CPNE4: variants seen among roughly 807,000 people sequenced by gnomAD.
The protein encoded by CPNE4 is copine 4, also known as copine-4.
CPNE4 carries 25 observed loss-of-function variants against 67.9 expected under a neutral mutation model. The ratio of observed to expected loss-of-function variants is 0.37; its 90% confidence interval spans 0.27 to 0.51. The LOEUF is 0.51. CPNE4 is among the 20% of genes least tolerant of loss of function. The pLI is 0.93. For synonymous variants in CPNE4, 242 were observed against 244.9 expected (o/e 0.99, Z 0.11); for missense variants, 464 against 690.8 (o/e 0.67, Z 3.68).
intron 7 of CPNE4, among the ~76,000 whole-genome samples, chr3:131,613,967 T>A (rs1010705943): frequency 2.0e-5 from 3 of 152,142 alleles, no homozygotes; most frequent in Non-Finnish European, 4.4e-5. Context: ...TAATTAAGAG[T>A]TTGGTGGATT....
intron 6 of CPNE4, among the ~76,000 whole-genome samples, chr3:131,677,961 C>T (rs558610091): frequency 6.6e-6 from 1 of 152,176 alleles, no homozygotes; most frequent in East Asian, 1.9e-4. Context: ...TTTTCTAGTT[C>T]TGTGAAGAAT....
intron 14 of CPNE4, chr3:131,543,047 G>A (rs1559869559): frequency 4.6e-6 from 2 of 435,760 alleles, no homozygotes; most frequent in Non-Finnish European, 8.3e-6. Flanking sequence ...AGAGCAGCAG[G>A]CCAAGAGTTA....
At chr3:131,693,385 CCTA>C (rs1277763002) in intron 5 of CPNE4, among the ~76,000 whole-genome samples, 5 of 152,036 alleles carry the variant, frequency 3.3e-5, no homozygotes, top group South Asian at 2.1e-4. Context: ...ATAAAATAAA[CCTA>C]CTACATCATA....
intron 2 of CPNE4, among the ~76,000 whole-genome samples, chr3:131,848,716 A>T (rs1266024522): frequency 1.3e-5 from 2 of 151,518 alleles, no homozygotes; most frequent in Non-Finnish European, 2.9e-5. Flanking sequence ...AATTTGGTTC[A>T]TCTGAACACA....
chr3:131,538,882 G>A (rs1379023763), intron 15 of CPNE4: 1 of 152,188 alleles, frequency 6.6e-6, no homozygotes, highest in Non-Finnish European at 1.5e-5. Context: ...GTAGGTGCTG[G>A]TGCTATGCTC....
At chr3:131,589,400 C>T (rs1056601227) in intron 7 of CPNE4, among the ~76,000 whole-genome samples, 9 of 152,180 alleles carry the variant, frequency 5.9e-5, no homozygotes, top group African/African-American at 2.2e-4. Flanking sequence ...AATCAGAAGA[C>T]TCGGCAGGCA....
chr3:131,669,623 A>G, intron 7 of CPNE4, 52 bp downstream of exon 7: 1 of 1,405,164 alleles, frequency 7.1e-7, no homozygotes, highest in Non-Finnish European at 1.0e-6. Context: ...AGAAATAGGA[A>G]GATTAAATAC....
chr3:131,675,811 C>T (rs1482197643), intron 6 of CPNE4, among the ~76,000 whole-genome samples: 4 of 151,646 alleles, frequency 2.6e-5, no homozygotes, highest in Non-Finnish European at 5.9e-5. Flanking sequence ...ATGTTATTAT[C>T]GATAGGTAAG....
chr3:131,941,351 T>C (rs2071381141), intron 1 of CPNE4, among the ~76,000 whole-genome samples: 1 of 152,054 alleles, frequency 6.6e-6, no homozygotes, highest in African/African-American at 2.4e-5. Flanking sequence ...GAAAGAAATA[T>C]TATATTTAAT....
chr3:131,961,346 C>T (rs1583520926), intron 1 of CPNE4, among the ~76,000 whole-genome samples: 1 of 152,112 alleles, frequency 6.6e-6, no homozygotes, highest in African/African-American at 2.4e-5. Context: ...GGTAAGGAAT[C>T]ACCCTGAGCC....
intron 2 of CPNE4, among the ~76,000 whole-genome samples, chr3:131,822,185 C>A (rs9839168): frequency 0.79 from 119,956 of 152,156 alleles, 49,552 homozygotes; most frequent in East Asian, 1. Context: ...AAGTTTGAAA[C>A]TAAATTACAT....
At chr3:131,539,423 TAAC>T (rs201579721) in intron 15 of CPNE4, among the ~76,000 whole-genome samples, 12 of 152,018 alleles carry the variant, frequency 7.9e-5, no homozygotes, top group African/African-American at 4.8e-5. Flanking sequence ...TGAGGTCCTG[TAAC>T]AACATTTTAA....
chr3:131,928,335 T>A lies in CPNE4; in HGVS notation c.-1-22891A>T, dbSNP rs115924242. 7.2e-3 allele frequency among the ~76,000 whole-genome samples: 1,097 copies of A among 152,244 alleles called. 7 individuals are homozygous for A. Among genetic ancestry groups the A allele is most frequent in the Non-Finnish European group, 0.012 (796 of 68,000 alleles). Reference sequence around the variant, plus strand: ...TCTTTTCTTAAAAAAAATGCAGATATGATTAGGATTGTATTTAACACAAAA... The same window carrying A: ...TCTTTTCTTAAAAAAAATGCAGATAAGATTAGGATTGTATTTAACACAAAA... On this transcript the variant is annotated intron_variant, in intron 1 of 15. Coordinates refer to ENST00000429747, the MANE Select transcript of CPNE4 (RefSeq NM_130808.3).
rs200412598 is a variant in CPNE4 at position 131,694,279 on chromosome 3, GTAGA to G, written c.507+2259_507+2262del. On this transcript the variant is annotated intron_variant, in intron 5 of 15. Transcript: ENST00000429747. ...TACAGTAAGTTTTAACTGCAAACAT[GTAGA>G]TAGTTATAAAATTGTTTAATGCTAA... 6.2e-3 allele frequency among the ~76,000 whole-genome samples: 938 copies of G among 152,216 alleles called. 30 individuals are homozygous for G. Among genetic ancestry groups the G allele is most frequent in the East Asian group, 0.046 (238 of 5,186 alleles).
intron 1 of CPNE4, among the ~76,000 whole-genome samples, chr3:132,007,846 A>G (rs1302122916): frequency 6.6e-6 from 1 of 152,178 alleles, no homozygotes; most frequent in Non-Finnish European, 1.5e-5. Context: ...CATCATTGCC[A>G]TATTCCAGGG....
intron 7 of CPNE4, among the ~76,000 whole-genome samples, chr3:131,591,735 C>A (rs1938543328): frequency 6.6e-6 from 1 of 152,202 alleles, no homozygotes; most frequent in Non-Finnish European, 1.5e-5. Context: ...AAGAAAGACA[C>A]AGTGAAACAG....
At chr3:131,592,947 C>T (rs1415639966) in intron 7 of CPNE4, among the ~76,000 whole-genome samples, 3 of 152,198 alleles carry the variant, frequency 2.0e-5, no homozygotes, top group Admixed American at 2.0e-4. Context: ...CTCCCTCCTA[C>T]TCTTGTTTTA....
At chr3:131,758,159 T>A (rs1412504048) in intron 2 of CPNE4, among the ~76,000 whole-genome samples, 3 of 152,086 alleles carry the variant, frequency 2.0e-5, no homozygotes, top group Non-Finnish European at 4.4e-5. Context: ...CCCAGAATGG[T>A]AGATCTACCA....
chr3:132,036,541 CA>C (rs1377066051), upstream of CPNE4, among the ~76,000 whole-genome samples: 23 of 152,102 alleles, frequency 1.5e-4, no homozygotes, highest in African/African-American at 5.3e-4. Context: ...ATGTTAAGTC[CA>C]AAAACATTAC....
Sources: gnomAD v4.1 joint callset for allele counts (sites outside exome capture counted in the v4.1 genomes callset) on GRCh38, gnomAD v4.1.1 for gene constraint, MANE v1.5 for transcripts, NCBI Gene and HGNC (gene_info 2026-07-23, HGNC 2026-07-21) for gene names.